MRPS18A: variants seen among roughly 807,000 people sequenced by gnomAD.
The protein encoded by MRPS18A is mitochondrial ribosomal protein S18A.
MRPS18A carries 20 observed loss-of-function variants against 22.7 expected under a neutral mutation model. The ratio of observed to expected loss-of-function variants is 0.88; its 90% CI spans 0.62 to 1.28. The LOEUF (loss-of-function observed/expected upper bound fraction) is 1.28, where lower values mean the gene tolerates loss of function less well. Among genes scored for constraint, MRPS18A ranks in the 50% most tolerant of loss-of-function variants. The pLI is 0.00. For synonymous variants in MRPS18A, 106 were observed against 99.1 expected (o/e 1.07, Z -0.41); for missense variants, 294 against 262.6 (o/e 1.12, Z -0.83).
At chr6:43,672,799 T>C (rs1435420103) in intron 5 of MRPS18A, among the ~76,000 whole-genome samples, 1 of 152,206 alleles carries the variant, frequency 6.6e-6, no homozygotes, top group Non-Finnish European at 1.5e-5. Flanking sequence ...ATTTATGCAG[T>C]TCAACTGAGC....
At chr6:43,678,182 A>AC (rs1049478808) in intron 3 of MRPS18A, among the ~76,000 whole-genome samples, 8 of 151,884 alleles carry the variant, frequency 5.3e-5, no homozygotes, top group African/African-American at 1.5e-4. Flanking sequence ...CTCAGGCCCC[A>AC]CCCCCCGAGG....
chr6:43,675,443 G>A (rs1203670677), intron 4 of MRPS18A, 51 bp downstream of exon 4: 1 of 1,613,914 alleles, frequency 6.2e-7, no homozygotes, highest in Non-Finnish European at 8.5e-7. Context: ...AGCTGGGTGG[G>A]GAGAGAGTGC....
rs548048225 is a variant in MRPS18A, at chr6:43,678,606, G to T, written c.164C>A (p.Ala55Glu). 1.2e-6 allele frequency: 2 copies of T among 1,613,148 alleles called. No individual in the cohort carries two copies. Among genetic ancestry groups the T allele is most frequent in the Admixed American group, 3.3e-5 (2 of 59,992 alleles). The change falls in exon 3 of 6, where the codon GCG (alanine) becomes GAG (glutamate). Residue 55 changes from alanine (A) to glutamate (E), a missense_variant. Ala to Glu is a moderately radical substitution (Grantham distance 107). Coordinates refer to ENST00000372133, the MANE Select transcript of MRPS18A (RefSeq NM_018135.4). ...AGGATTTGGACTCTCCTTGGGAGTC[G>T]CTGTGATACGGCCTTCAATCTAGGA... is the stretch of plus-strand genomic sequence containing the variant. The part of the protein sequence containing the change: ...KTTIIEGRIT[A>E]TPKESPNPPN...
At position 43,673,092 on chromosome 6, in the gene MRPS18A, A is replaced by G. The variant is rs1298402639; in HGVS notation, c.447-1186T>C. ...AACTTCCGCCTCCTGGGTTTAAGCAATTCTCCTGCCTCAGCCTCTGGAGTA... is the reference window on the plus strand; with the variant it reads ...AACTTCCGCCTCCTGGGTTTAAGCAGTTCTCCTGCCTCAGCCTCTGGAGTA... On this transcript the variant is annotated intron_variant, in intron 5 of 5. Coordinates refer to ENST00000372133, the MANE Select transcript of MRPS18A (RefSeq NM_018135.4). The surrounding 1 kb of genome is among the most constrained non-coding windows in gnomAD (Gnocchi z 4.2). Among the ~76,000 whole-genome samples, 3 of 151,028 alleles carry G rather than the reference A, an allele frequency of 2.0e-5. No individual in the cohort carries two copies. Among genetic ancestry groups the G allele is most frequent in the Non-Finnish European group, 4.4e-5 (3 of 67,842 alleles).
chr6:43,675,298 CT>C lies in MRPS18A; in HGVS notation c.377-28del, dbSNP rs567137815. On this transcript the variant is annotated intron_variant, in intron 4 of 5. Coordinates refer to ENST00000372133, the MANE Select transcript of MRPS18A (RefSeq NM_018135.4). Reference sequence around the variant, plus strand: ...TGAGTGGCGGGGAAGAGGGGATAGTCTTTGCAGCTCCCTCTGCAGCTCTGAG... The same window carrying C: ...TGAGTGGCGGGGAAGAGGGGATAGTCTTGCAGCTCCCTCTGCAGCTCTGAG... 142 of 1,544,156 alleles carry C rather than the reference CT, an allele frequency of 9.2e-5. No homozygotes were observed. The East Asian group carries it at 2.9e-3, about 32-fold the overall frequency.
intron 2 of MRPS18A, among the ~76,000 whole-genome samples, chr6:43,679,126 G>A (rs13194675): frequency 7.3e-4 from 111 of 152,322 alleles, no homozygotes; most frequent in Non-Finnish European, 1.3e-3. Flanking sequence ...CAGAGCTAAG[G>A]CTATGCCAAT....
intron 1 of MRPS18A, among the ~76,000 whole-genome samples, chr6:43,686,320 G>T (rs958117346): frequency 6.6e-6 from 1 of 151,766 alleles, no homozygotes; most frequent in East Asian, 2.0e-4. Context: ...CTATTTTGCA[G>T]CATGGGAACA....
intron 1 of MRPS18A, among the ~76,000 whole-genome samples, chr6:43,684,593 G>A (rs1476742036): frequency 1.3e-5 from 2 of 152,106 alleles, no homozygotes; most frequent in Admixed American, 6.5e-5. Context: ...TCTTACTGCT[G>A]CACAAAAATT....
intron 1 of MRPS18A, among the ~76,000 whole-genome samples, chr6:43,683,169 T>A (rs560952978): frequency 1.6e-4 from 25 of 152,246 alleles, no homozygotes; most frequent in African/African-American, 5.8e-4. Flanking sequence ...TCAAAGCCCA[T>A]GGCAAGCTCC....
chr6:43,682,931 G>A (rs1020186628), intron 1 of MRPS18A, among the ~76,000 whole-genome samples: 5 of 152,156 alleles, frequency 3.3e-5, no homozygotes, highest in Admixed American at 2.6e-4. Flanking sequence ...CAAGTAGTGG[G>A]GAAAGTTTCT....
chr6:43,681,371 T>C (rs922981639), intron 1 of MRPS18A, among the ~76,000 whole-genome samples: 4 of 152,228 alleles, frequency 2.6e-5, no homozygotes, highest in African/African-American at 9.6e-5. Flanking sequence ...ATTAAGGAGT[T>C]CCGCACTGTT....
chr6:43,686,403 A>G (rs1437511009), intron 1 of MRPS18A, among the ~76,000 whole-genome samples: 1 of 152,356 alleles, frequency 6.6e-6, no homozygotes, highest in East Asian at 1.9e-4. Flanking sequence ...CTACTAATGG[A>G]TAAGTTAATC....
At chr6:43,686,615 C>T (rs1774714389) in intron 1 of MRPS18A, among the ~76,000 whole-genome samples, 1 of 152,208 alleles carries the variant, frequency 6.6e-6, no homozygotes. Context: ...ATGGCCCCTT[C>T]ATTAGGCCCT....
chr6:43,675,730 A>G, intron 3 of MRPS18A, 113 bp from the exon 4 acceptor site: 1 of 1,275,230 alleles, frequency 7.8e-7, no homozygotes, highest in South Asian at 1.5e-5. Flanking sequence ...AACCTAGCTG[A>G]GATCACTTCC....
intron 3 of MRPS18A, among the ~76,000 whole-genome samples, chr6:43,677,464 AG>A (rs1457574094): frequency 6.6e-6 from 1 of 152,220 alleles, no homozygotes; most frequent in Admixed American, 6.5e-5. Flanking sequence ...GACAACCTGC[AG>A]GTCAAACTGG....
At chr6:43,684,330 A>G (rs1319668327) in intron 1 of MRPS18A, among the ~76,000 whole-genome samples, 2 of 151,972 alleles carry the variant, frequency 1.3e-5, no homozygotes, top group Non-Finnish European at 2.9e-5. Flanking sequence ...GAAAGACTGG[A>G]GTAACTGATG....
At chr6:43,672,624 A>C in intron 5 of MRPS18A, 1 of 304,394 alleles carries the variant, frequency 3.3e-6, no homozygotes, top group Non-Finnish European at 6.9e-6. Flanking sequence ...TTCATTCTGA[A>C]AGCTCAGCCA....
chr6:43,671,959 C>A, intron 5 of MRPS18A, 53 bp from the exon 6 acceptor site: 1 of 1,517,988 alleles, frequency 6.6e-7, no homozygotes, highest in Non-Finnish European at 8.8e-7. Context: ...CCAAGCTGGA[C>A]GTGGGAGAGT....
chr6:43,672,661 CCTCCATTCTAGGTTG>C (rs550436644), intron 5 of MRPS18A: 142 of 277,960 alleles, frequency 5.1e-4, no homozygotes, highest in Non-Finnish European at 8.5e-4. Flanking sequence ...TCCTCCCCTG[CCTCCATTCTAGGTTG>C]GGGCTCAACC....
Sources: allele counts gnomAD v4.1 joint callset (sites outside exome capture counted in the v4.1 genomes callset), GRCh38; gene constraint gnomAD v4.1.1; non-coding constraint Gnocchi (gnomAD v3.1); transcripts MANE v1.5; gene names NCBI Gene and HGNC (gene_info 2026-07-23, HGNC 2026-07-21).